FBN1: variants seen among roughly 807,000 people sequenced by gnomAD.
FBN1 encodes fibrillin 1.
Under a neutral mutation model 365.1 loss-of-function variants are expected in FBN1, and 29 were observed. That is an observed-to-expected ratio of 0.08 (90% CI 0.06 to 0.11). FBN1 has a LOEUF of 0.11. Among genes scored for constraint, FBN1 ranks in the 10% least tolerant of loss-of-function variants. FBN1 has a pLI of 1.00. For synonymous variants in FBN1, 1,210 were observed against 1,270.5 expected, an observed-to-expected ratio of 0.95 and a Z score of 1.01; for missense variants, 2,476 against 3,703.2, an observed-to-expected ratio of 0.67 and a Z score of 8.60.
intron 7 of FBN1, 131 bp downstream of exon 7, chr15:48,537,480 A>G: frequency 9.4e-7 from 1 of 1,066,748 alleles, no homozygotes; most frequent in Non-Finnish European, 1.4e-6. Context: ...TTAGTTGGAT[A>G]TCATGCAGTC....
In FBN1 at chr15:48,644,999, G is replaced by C. The variant is rs527614363; in HGVS notation, c.-181-49C>G. ...GAGGCGGGGAGACTTTCAGGGCATCGGGATGCTGAAGCCTCGCGGTCCCCA... is the reference window on the plus strand; with the variant it reads ...GAGGCGGGGAGACTTTCAGGGCATCCGGATGCTGAAGCCTCGCGGTCCCCA... On this transcript the variant is annotated intron_variant, in intron 1 of 65. Coordinates refer to ENST00000316623, the MANE Select transcript of FBN1 (RefSeq NM_000138.5). The C allele has an allele frequency of 9.8e-4, 341 of 346,466 alleles. 1 individual carries two copies. Among genetic ancestry groups the C allele is most frequent in the African/African-American group, 7.0e-3 (323 of 45,886 alleles). The allele number at this position is 346,466 out of a possible 1,614,324, so 21.5% of individuals were successfully genotyped here. A position where few individuals can be genotyped will look rare whatever the true frequency, so the allele number is the denominator to read the frequency against.
chr15:48,458,036 C>T (rs568679032), intron 43 of FBN1, among the ~76,000 whole-genome samples: 4 of 152,178 alleles, frequency 2.6e-5, no homozygotes, highest in Non-Finnish European at 5.9e-5. Flanking sequence ...TTCCATCAGC[C>T]CCTTGGCTGG....
chr15:48,445,717 T>C (rs912883924), intron 47 of FBN1, among the ~76,000 whole-genome samples: 9 of 152,160 alleles, frequency 5.9e-5, no homozygotes, highest in Non-Finnish European at 1.2e-4. Flanking sequence ...TACATTATTA[T>C]ATTAGAGACT....
intron 43 of FBN1, among the ~76,000 whole-genome samples, chr15:48,458,122 C>T (rs565011484): frequency 1.3e-5 from 2 of 152,314 alleles, no homozygotes; most frequent in Admixed American, 1.3e-4. Context: ...TCACTAGTTT[C>T]TATGACTGTT....
chr15:48,613,118 T>A, intron 2 of FBN1, 26 bp from the exon 3 acceptor site: 1 of 1,551,500 alleles, frequency 6.4e-7, no homozygotes, highest in Non-Finnish European at 8.9e-7. Flanking sequence ...AAGAATTCCA[T>A]ACTTTAAAAA....
chr15:48,558,824 G>A (rs1416538287), intron 6 of FBN1, among the ~76,000 whole-genome samples: 2 of 152,138 alleles, frequency 1.3e-5, no homozygotes, highest in Non-Finnish European at 2.9e-5. Context: ...GTACCTATAG[G>A]TGCTGTATAG....
intron 9 of FBN1, among the ~76,000 whole-genome samples, chr15:48,524,939 T>C (rs1415747311): frequency 6.6e-6 from 1 of 152,236 alleles, no homozygotes; most frequent in Admixed American, 6.5e-5. Context: ...AACCATCTGA[T>C]ATGTAAATAT....
At chr15:48,495,759 A>G (rs1234194679) in intron 20 of FBN1, among the ~76,000 whole-genome samples, 171 bp from the exon 21 acceptor site, 1 of 152,262 alleles carries the variant, frequency 6.6e-6, no homozygotes, top group Non-Finnish European at 1.5e-5. Context: ...TCTATAGTAT[A>G]GACTAGTACA....
intron 37 of FBN1, 40 bp downstream of exon 37, chr15:48,468,372 A>T: frequency 6.2e-7 from 1 of 1,612,640 alleles, no homozygotes; most frequent in Middle Eastern, 1.7e-4. Context: ...AAAATAATAC[A>T]CAGTATGCTT....
intron 2 of FBN1, among the ~76,000 whole-genome samples, chr15:48,633,500 A>G (rs1890028754): frequency 6.6e-6 from 1 of 152,106 alleles, no homozygotes; most frequent in South Asian, 2.1e-4. Flanking sequence ...CGATTCCCGG[A>G]GAAGACTATT....
chr15:48,584,040 G>A (rs2044417194), intron 6 of FBN1, among the ~76,000 whole-genome samples: 1 of 151,974 alleles, frequency 6.6e-6, no homozygotes, highest in African/African-American at 2.4e-5. Context: ...GTAATTTCAG[G>A]GATATGTGAA....
At chr15:48,521,861 G>T (rs1384581097) in intron 9 of FBN1, among the ~76,000 whole-genome samples, 1 of 152,196 alleles carries the variant, frequency 6.6e-6, no homozygotes, top group Admixed American at 6.5e-5. Context: ...TAAAGCAGGG[G>T]TCTCTAACCC....
intron 32 of FBN1, among the ~76,000 whole-genome samples, chr15:48,480,737 AT>A (rs769540344): frequency 1.3e-5 from 2 of 152,168 alleles, no homozygotes; most frequent in African/African-American, 2.4e-5. Context: ...AAATATTTTA[AT>A]ATTTGTTTTA....
chr15:48,476,214 C>T (rs905089096), intron 32 of FBN1, among the ~76,000 whole-genome samples: 3 of 152,180 alleles, frequency 2.0e-5, no homozygotes, highest in Non-Finnish European at 2.9e-5. Flanking sequence ...ACAAATACTC[C>T]CAAGCAGGGC....
At chr15:48,615,115 T>A (rs1482825931) in intron 2 of FBN1, among the ~76,000 whole-genome samples, 2 of 152,102 alleles carry the variant, frequency 1.3e-5, no homozygotes, top group African/African-American at 4.8e-5. Flanking sequence ...GTTCTCTCAA[T>A]TTGAAATGAC....
chr15:48,413,606 T>A (rs932754961), intron 64 of FBN1, among the ~76,000 whole-genome samples: 3 of 152,250 alleles, frequency 2.0e-5, no homozygotes, highest in Non-Finnish European at 2.9e-5. Flanking sequence ...AGCTCCTCTT[T>A]CCAAATGTGT....
Position 48,494,235 on chromosome 15 carries a change from C to T in FBN1, c.2697G>A (p.Gly899=). 1.2e-6 allele frequency: 2 copies of T among 1,612,842 alleles called. No homozygotes were observed. The highest frequency in any genetic ancestry group is 1.7e-6 in the Non-Finnish European group (2 of 1,179,144). The change falls in exon 23 of 66, where the codon GGG becomes GGA. Residue 899 remains glycine, a synonymous_variant. Coordinates refer to ENST00000316623, the MANE Select transcript of FBN1 (RefSeq NM_000138.5). ...LCQVDPICGK[G]YSRIKGTQCE... ...ATTGTGTTCCTTTAATTCTTGAGTA[C>T]CCTTTACCACATATGGGATCTGTAA...
chr15:48,602,443 G>A (rs2044574672), intron 4 of FBN1, among the ~76,000 whole-genome samples: 1 of 152,136 alleles, frequency 6.6e-6, no homozygotes, highest in Admixed American at 6.5e-5. Flanking sequence ...TGTAAGTGCT[G>A]TATAAAACTG....
chr15:48,595,995 T>C (rs1436062210), intron 6 of FBN1, among the ~76,000 whole-genome samples: 1 of 152,222 alleles, frequency 6.6e-6, no homozygotes, highest in Non-Finnish European at 1.5e-5. Flanking sequence ...TCTCCCCTTT[T>C]TATCCTGATG....
Sources: gnomAD v4.1 joint callset for allele counts (sites outside exome capture counted in the v4.1 genomes callset) on GRCh38, gnomAD v4.1.1 for gene constraint, MANE v1.5 for transcripts, NCBI Gene and HGNC (gene_info 2026-07-23, HGNC 2026-07-21) for gene names.